BATF: variants seen among roughly 807,000 people sequenced by gnomAD.
BATF encodes the protein basic leucine zipper transcriptional factor ATF-like.
In BATF, 5 loss-of-function variants were observed where a neutral mutation model predicts 13.7. The ratio of observed to expected loss-of-function variants is 0.36; its 90% confidence interval spans 0.19 to 0.77. The LOEUF is 0.77. Ranked by LOEUF, BATF falls within the 30% of genes least tolerant of loss-of-function variation. The pLI is 0.51. For synonymous variants in BATF, 72 were observed against 67.5 expected (o/e 1.07, Z -0.33); for missense variants, 124 against 163.0 (o/e 0.76, Z 1.30).
chr14:75,524,588 A>G (rs1018800739), intron 1 of BATF, among the ~76,000 whole-genome samples: 1 of 152,218 alleles, frequency 6.6e-6, no homozygotes, highest in Admixed American at 6.5e-5. Flanking sequence ...AAATGATGAT[A>G]TCAACTTCAC....
intron 2 of BATF, among the ~76,000 whole-genome samples, chr14:75,537,072 G>A (rs751693724): frequency 6.6e-5 from 10 of 152,108 alleles, no homozygotes; most frequent in Non-Finnish European, 1.3e-4. Flanking sequence ...AACTCTTTAA[G>A]GATATCAGTA....
intron 2 of BATF, among the ~76,000 whole-genome samples, chr14:75,536,968 T>A (rs1365457789): frequency 6.6e-6 from 1 of 152,220 alleles, no homozygotes; most frequent in Non-Finnish European, 1.5e-5. Context: ...ACACTGTTCC[T>A]TTGTTTAATG....
chr14:75,528,615 G>A (rs147721953), intron 2 of BATF, among the ~76,000 whole-genome samples: 278 of 152,314 alleles, frequency 1.8e-3, no homozygotes, highest in Middle Eastern at 0.01. Flanking sequence ...TCTCACACAA[G>A]CACCCTGCAC....
At position 75,546,544 on chromosome 14, in the gene BATF, C is replaced by T. The variant is rs868223395; in HGVS notation, c.251C>T (p.Ser84Leu). ...QLTEELKYFT[S>L]VLNSHEPLCS... ...ACAGAGGAACTGAAGTACTTCACGT[C>T]GGTGCTGAACAGCCACGAGCCCCTG... Residue 84 changes from serine (S) to leucine (L), a missense_variant, in exon 3 of 3, where the codon TCG becomes TTG. This residue lies in a region of BATF where 65 missense variants were observed against 113.3 expected (regional missense o/e 0.57). Transcript: ENST00000286639. 2 of 1,614,134 alleles carry T rather than the reference C, an allele frequency of 1.2e-6. No homozygotes were observed. Among genetic ancestry groups the T allele is most frequent in the African/African-American group, 1.3e-5 (1 of 75,056 alleles).
At chr14:75,524,790 G>A (rs990344408) in intron 1 of BATF, among the ~76,000 whole-genome samples, 2 of 149,116 alleles carry the variant, frequency 1.3e-5, no homozygotes, top group African/African-American at 2.5e-5. Flanking sequence ...ACACTTCATC[G>A]CCTTAACCAT....
intron 1 of BATF, among the ~76,000 whole-genome samples, chr14:75,524,029 G>A (rs966968744): frequency 2.6e-5 from 4 of 152,216 alleles, no homozygotes; most frequent in Non-Finnish European, 1.5e-5. Flanking sequence ...AGGCCTGAAA[G>A]TATTGGACAT....
intron 2 of BATF, among the ~76,000 whole-genome samples, chr14:75,536,231 CA>C (rs1887814326): frequency 6.6e-6 from 1 of 152,156 alleles, no homozygotes; most frequent in African/African-American, 2.4e-5. Context: ...GGGCAGCGAT[CA>C]GGGGAGGCCT....
chr14:75,544,738 G>C (rs1887956179), intron 2 of BATF, among the ~76,000 whole-genome samples: 1 of 150,244 alleles, frequency 6.7e-6, no homozygotes, highest in Non-Finnish European at 1.5e-5. Flanking sequence ...AATCCAAATA[G>C]ATTTAGAAAG....
At position 75,546,678 on chromosome 14, in the gene BATF, G is replaced by A. The variant is rs774866236; in HGVS notation, c.*7G>A. ...CCCGCGCTTCCAGCCCTGAGCTTCCGATGCGGGGAGAGCAGAGCCTCGGGA... is the reference window on the plus strand; with the variant it reads ...CCCGCGCTTCCAGCCCTGAGCTTCCAATGCGGGGAGAGCAGAGCCTCGGGA... On this transcript the variant is annotated 3_prime_UTR_variant, in exon 3 of 3. Coordinates refer to ENST00000286639, the MANE Select transcript of BATF (RefSeq NM_006399.5). The A allele has an allele frequency of 3.8e-6, 6 of 1,576,958 alleles. No individual in the cohort carries two copies. Among genetic ancestry groups the A allele is most frequent in the Non-Finnish European group, 5.2e-6 (6 of 1,161,904 alleles).
At chr14:75,539,423 A>ATTTTTTTT (rs1566768765) in intron 2 of BATF, among the ~76,000 whole-genome samples, 3 of 14,118 alleles carry the variant, frequency 2.1e-4, no homozygotes, top group East Asian at 7.5e-3. Context: ...GGTAAGCTGG[A>ATTTTTTTT]ATTTTTTTTT....
intron 2 of BATF, among the ~76,000 whole-genome samples, chr14:75,538,727 A>C (rs1974670): frequency 0.96 from 145,894 of 152,226 alleles, 69,947 homozygotes; most frequent in Middle Eastern, 0.99. Context: ...CGGTGAAACC[A>C]TGTCTCTACT....
chr14:75,546,271 G>A (rs1227757409), intron 2 of BATF, among the ~76,000 whole-genome samples, 191 bp from the exon 3 acceptor site: 2 of 152,094 alleles, frequency 1.3e-5, no homozygotes, highest in Admixed American at 6.5e-5. Context: ...TTACGTAAAC[G>A]CGCCCATACA....
At chr14:75,546,273 G>A (rs985156781) in intron 2 of BATF, among the ~76,000 whole-genome samples, 189 bp from the exon 3 acceptor site, 1 of 152,078 alleles carries the variant, frequency 6.6e-6, no homozygotes, top group Admixed American at 6.5e-5. Flanking sequence ...ACGTAAACGC[G>A]CCCATACACA....
intron 2 of BATF, among the ~76,000 whole-genome samples, chr14:75,542,656 C>G (rs911740858): frequency 9.2e-5 from 14 of 152,252 alleles, no homozygotes; most frequent in Non-Finnish European, 1.9e-4. Context: ...GAAGTCAAAC[C>G]CTTTCTCTCA....
At chr14:75,533,469 G>C (rs1887770849) in intron 2 of BATF, among the ~76,000 whole-genome samples, 1 of 151,784 alleles carries the variant, frequency 6.6e-6, no homozygotes, top group Non-Finnish European at 1.5e-5. Context: ...GTCTACATAG[G>C]ATGATGGTCC....
At chr14:75,527,980 G>A (rs946477337) in intron 2 of BATF, among the ~76,000 whole-genome samples, 19 of 152,214 alleles carry the variant, frequency 1.2e-4, no homozygotes, top group Admixed American at 1.2e-3. Context: ...CAAATTAGCT[G>A]TGGTTTGACA....
Position 75,525,164 on chromosome 14 carries a change from A to G in BATF, c.144A>G (p.Thr48=), listed in dbSNP as rs1273422909. The change falls in exon 2 of 3, where the codon ACA becomes ACG. Residue 48 remains threonine (T), a synonymous_variant. Transcript: ENST00000286639. The stretch of plus-strand genomic sequence containing the variant: ...CCCAGAAGAGCCGACAGAGGCAGAC[A>G]CAGAAGGCCGACACCCTGCACCTGG... The part of the protein sequence containing the change: ...IAAQKSRQRQ[T]QKADTLHLES... 4 of 1,614,008 alleles carry G rather than the reference A, an allele frequency of 2.5e-6. No individual in the cohort carries two copies. Among genetic ancestry groups the G allele is most frequent in the Non-Finnish European group, 3.4e-6 (4 of 1,179,966 alleles).
chr14:75,530,360 G>A (rs1595004396), intron 2 of BATF, among the ~76,000 whole-genome samples: 4 of 152,106 alleles, frequency 2.6e-5, no homozygotes, highest in Admixed American at 2.6e-4. Context: ...CATACCCTGC[G>A]ACTCAGCAAT....
intron 2 of BATF, among the ~76,000 whole-genome samples, chr14:75,543,159 G>A (rs1311687122): frequency 1.3e-5 from 2 of 152,196 alleles, no homozygotes. Context: ...TTACCTTTCG[G>A]TAAAGAGGGG....
Sources: allele counts gnomAD v4.1 joint callset (sites outside exome capture counted in the v4.1 genomes callset), GRCh38; gene constraint gnomAD v4.1.1; regional missense constraint gnomAD v4.1.1; transcripts MANE v1.5; gene names NCBI Gene and HGNC (gene_info 2026-07-23, HGNC 2026-07-21).